Variants in CDC5L observed in about 807,000 individuals in gnomAD.
The protein encoded by CDC5L is cell division cycle 5 like.
In CDC5L, 18 loss-of-function variants were observed where a neutral mutation model predicts 104.1. The observed-to-expected ratio is 0.17, with a 90% CI of 0.12 to 0.26. The LOEUF (loss-of-function observed/expected upper bound fraction) is 0.26. CDC5L is among the 10% of genes least tolerant of loss of function. The pLI, the probability that CDC5L is intolerant of heterozygous loss-of-function variation, is 1.00. For synonymous variants in CDC5L, 331 were observed against 322.7 expected (o/e 1.03, Z -0.28); for missense variants, 673 against 956.9 (o/e 0.70, Z 3.91).
chr6:44,430,027 G>A (rs1792604374), intron 14 of CDC5L, 117 bp downstream of exon 14: 10 of 709,990 alleles, frequency 1.4e-5, no homozygotes, highest in Non-Finnish European at 2.3e-5. Flanking sequence ...TGCCTTTTTA[G>A]TTGTTGGAGA....
chr6:44,388,644 T>G (rs1477456609), intron 1 of CDC5L, among the ~76,000 whole-genome samples: 1 of 151,960 alleles, frequency 6.6e-6, no homozygotes, highest in Non-Finnish European at 1.5e-5. Flanking sequence ...TTTCATGCTC[T>G]GTGTCTTTTT....
intron 13 of CDC5L, among the ~76,000 whole-genome samples, chr6:44,427,739 A>G (rs1310698441): frequency 6.6e-6 from 1 of 152,202 alleles, no homozygotes; most frequent in African/African-American, 2.4e-5. Flanking sequence ...TGTCGAGCAC[A>G]TTTAATCATT....
At chr6:44,395,786 C>T (rs1205163506) in intron 4 of CDC5L, among the ~76,000 whole-genome samples, 2 of 152,060 alleles carry the variant, frequency 1.3e-5, no homozygotes, top group African/African-American at 2.4e-5. Flanking sequence ...GACAGCCTTG[C>T]ATAGGAATTG....
At chr6:44,435,227 A>G (rs1346537472) in intron 14 of CDC5L, among the ~76,000 whole-genome samples, 1 of 151,670 alleles carries the variant, frequency 6.6e-6, no homozygotes, top group Admixed American at 6.6e-5. Flanking sequence ...ATTCCACCCT[A>G]CTTCTAAAAA....
chr6:44,446,413 A>C (rs1793456030), intron 15 of CDC5L, among the ~76,000 whole-genome samples, 194 bp from the exon 16 acceptor site: 1 of 152,196 alleles, frequency 6.6e-6, no homozygotes, highest in South Asian at 2.1e-4. Flanking sequence ...GCAGGATTTC[A>C]TATGACCAAA....
chr6:44,419,731 A>G, intron 9 of CDC5L, 134 bp downstream of exon 9: 1 of 694,370 alleles, frequency 1.4e-6, no homozygotes, highest in South Asian at 1.8e-5. Flanking sequence ...CTTCATAGTA[A>G]TAAATAATAG....
chr6:44,388,144 A>ACCCCCCCCCCCC (rs1790424578), intron 1 of CDC5L, among the ~76,000 whole-genome samples: 2 of 44,794 alleles, frequency 4.5e-5, no homozygotes, highest in Non-Finnish European at 4.6e-5. Flanking sequence ...GCCCCCTCCC[A>ACCCCCCCCCCCC]CCCCGCCCCC....
rs180938090 is a variant in CDC5L, at chr6:44,446,847, C to T, written c.*136C>T. On this transcript the variant is annotated 3_prime_UTR_variant, in exon 16 of 16. Transcript: ENST00000371477. Reference sequence around the variant, plus strand: ...TTCAGTTGTTTATTTTAAATGATATCGATCTTACACATTCTGTGTATAAAG... The same window carrying T: ...TTCAGTTGTTTATTTTAAATGATATTGATCTTACACATTCTGTGTATAAAG... 4.7e-5 allele frequency: 24 copies of T among 513,188 alleles called. No homozygotes were observed. Among genetic ancestry groups the T allele is most frequent in the Admixed American group, 4.5e-4 (12 of 26,870 alleles). The allele number at this position is 513,188 out of a possible 1,614,324, so 31.8% of individuals were successfully genotyped here.
At chr6:44,402,959 A>G (rs1167796374) in intron 5 of CDC5L, among the ~76,000 whole-genome samples, 1 of 152,220 alleles carries the variant, frequency 6.6e-6, no homozygotes, top group Non-Finnish European at 1.5e-5. Flanking sequence ...GTGCTTAGTG[A>G]ACAGCTTTGT....
chr6:44,403,326 G>T (rs1581645995), intron 5 of CDC5L, among the ~76,000 whole-genome samples: 1 of 145,144 alleles, frequency 6.9e-6, no homozygotes, highest in Non-Finnish European at 1.5e-5. Context: ...CCCTTTGAGT[G>T]CATTAAAAAA....
At chr6:44,427,913 A>G (rs935496996) in intron 13 of CDC5L, among the ~76,000 whole-genome samples, 4 of 152,248 alleles carry the variant, frequency 2.6e-5, no homozygotes, top group African/African-American at 9.6e-5. Context: ...GATTCTGTAG[A>G]GGGTAAACCC....
Position 44,392,649 on chromosome 6 carries a change from A to C in CDC5L, c.150-18A>C. On this transcript the variant is annotated intron_variant, in intron 2 of 15. Transcript: ENST00000371477. The stretch of plus-strand genomic sequence containing the variant: ...GCCAGGTAACTGATTAATATATAAA[A>C]TGATCTATGTTTAATAGGTATGAAT... The C allele has an allele frequency of 6.2e-7, 1 of 1,607,074 alleles. No individual in the cohort carries two copies. Among genetic ancestry groups the C allele is most frequent in the South Asian group, 1.1e-5 (1 of 90,596 alleles).
intron 8 of CDC5L, among the ~76,000 whole-genome samples, chr6:44,417,288 T>C (rs1209059054): frequency 6.6e-6 from 1 of 152,182 alleles, no homozygotes; most frequent in African/African-American, 2.4e-5. Context: ...TGAATCTGCA[T>C]GTGGTCTTTC....
chr6:44,424,402 C>A lies in CDC5L; in HGVS notation c.1405-17C>A. On this transcript the variant is annotated splice_polypyrimidine_tract_variant and intron_variant, in intron 10 of 15. Transcript: ENST00000371477. ...TTTAATATGCATGAATTGAGAAGGA[C>A]CACTTCTTTTCTACAGGAAAGAGAA... 6.2e-7 allele frequency: 1 copy of A among 1,606,036 alleles called. No homozygotes were observed. Among genetic ancestry groups the A allele is most frequent in the Non-Finnish European group, 8.5e-7 (1 of 1,175,150 alleles).
intron 14 of CDC5L, among the ~76,000 whole-genome samples, chr6:44,431,695 G>A (rs1792693764): frequency 6.6e-6 from 1 of 152,130 alleles, no homozygotes; most frequent in African/African-American, 2.4e-5. Flanking sequence ...GTCACACAGT[G>A]AGTGGTGCCA....
intron 8 of CDC5L, among the ~76,000 whole-genome samples, chr6:44,415,524 G>A (rs1490351040): frequency 6.6e-6 from 1 of 152,164 alleles, no homozygotes; most frequent in Non-Finnish European, 1.5e-5. Context: ...AGGGACCTGG[G>A]CACCTGCTTT....
At chr6:44,390,956 T>G (rs959848020) in intron 2 of CDC5L, among the ~76,000 whole-genome samples, 1 of 132,158 alleles carries the variant, frequency 7.6e-6, no homozygotes, top group African/African-American at 2.7e-5. Context: ...ATATTATATA[T>G]TAAACATATT....
chr6:44,400,670 G>A (rs1023070790), intron 5 of CDC5L, among the ~76,000 whole-genome samples: 68 of 152,198 alleles, frequency 4.5e-4, no homozygotes, highest in African/African-American at 1.6e-3. Flanking sequence ...ACATGAGCCA[G>A]CGTGTCTGGC....
In CDC5L at chr6:44,422,719, T is replaced by G; in HGVS notation, c.1314T>G (p.Thr438=). 1 of 1,612,492 alleles carries G rather than the reference T, an allele frequency of 6.2e-7. No homozygotes were observed. Among genetic ancestry groups the G allele is most frequent in the Non-Finnish European group, 8.5e-7 (1 of 1,178,620 alleles). The part of the protein sequence containing the change: ...GTTPKPVINS[T]PGRTPLRDKL... ...CTCCCAAACCAGTTATTAACTCTAC[T>G]CCGGGTAGAACTCCTCTTCGAGACA... The change falls in exon 10 of 16, where the codon ACT becomes ACG. Residue 438 remains threonine (T), a synonymous_variant. Transcript: ENST00000371477.
Sources: allele counts gnomAD v4.1 joint callset (sites outside exome capture counted in the v4.1 genomes callset), GRCh38; gene constraint gnomAD v4.1.1; transcripts MANE v1.5; gene names NCBI Gene and HGNC (gene_info 2026-07-23, HGNC 2026-07-21).